The following ZNF461 variants were observed in gnomAD, a reference collection of about 807,000 sequenced individuals.
The protein encoded by ZNF461 is zinc finger protein 461.
A neutral mutation model predicts 18.3 loss-of-function variants in ZNF461; 16 were observed. The ratio of observed to expected loss-of-function variants is 0.88; its 90% CI spans 0.59 to 1.33. ZNF461 has a LOEUF of 1.33. Ranked by LOEUF, ZNF461 falls within the 40% of genes most tolerant of loss-of-function variation. The probability of loss-of-function intolerance (pLI) is 0.00; values close to 1 mark genes in which losing one functional copy is unlikely to be tolerated. For missense variants in ZNF461, 595 were observed against 669.9 expected, an observed-to-expected ratio of 0.89 and a Z score of 1.23; for synonymous variants, 179 against 216.9, an observed-to-expected ratio of 0.83 and a Z score of 1.54.
intron 4 of ZNF461, among the ~76,000 whole-genome samples, chr19:36,647,176 G>A (rs926219529): frequency 2.0e-5 from 3 of 152,164 alleles, no homozygotes; most frequent in African/African-American, 7.2e-5. Flanking sequence ...TGTTAGGTAT[G>A]CACATCAGAG....
chr19:36,644,857 A>G (rs1339589323), intron 4 of ZNF461, among the ~76,000 whole-genome samples: 1 of 151,856 alleles, frequency 6.6e-6, no homozygotes, highest in Non-Finnish European at 1.5e-5. Flanking sequence ...TCGTCCTCCC[A>G]AAGTGCTGGG....
Position 36,640,209 on chromosome 19 carries a change from G to T in ZNF461, c.302-166C>A, listed in dbSNP as rs79376611. Reference sequence around the variant, plus strand: ...CACAGGGAAATGAGAGCACTCAAATGAAGTAGTTAATTAGGGAAATAATTC... The same window carrying T: ...CACAGGGAAATGAGAGCACTCAAATTAAGTAGTTAATTAGGGAAATAATTC... On this transcript the variant is annotated intron_variant, in intron 5 of 5. Transcript: ENST00000588268. The T allele has an allele frequency of 4.3e-3, 2,346 of 546,808 alleles. 57 individuals carry two copies. The Admixed American group carries it at 0.045, about 10-fold the overall frequency. The allele number at this position is 546,808 out of a possible 1,614,324, so 33.9% of individuals were successfully genotyped here.
At position 36,639,178 on chromosome 19, in the gene ZNF461, T is replaced by A. The variant is rs1351092577; in HGVS notation, c.1167A>T (p.Glu389Asp). ...HTGEKPYECRECGKAFSYHSS... is the reference protein window; with the variant it reads ...HTGEKPYECRDCGKAFSYHSS... ...AGTGATAGCTAAAGGCCTTCCCACA[T>A]TCCCGACATTCATAGGGTTTCTCAC... Residue 389 changes from glutamate to aspartate, a missense_variant, in exon 6 of 6, where the codon GAA becomes GAT. Transcript: ENST00000588268. 1.2e-6 allele frequency: 2 copies of A among 1,614,138 alleles called. No individual in the cohort carries two copies. The highest frequency in any genetic ancestry group is 2.2e-5 in the South Asian group (2 of 91,080).
chr19:36,655,996 CT>C (rs781044041), intron 4 of ZNF461, among the ~76,000 whole-genome samples: 182 of 130,490 alleles, frequency 1.4e-3, no homozygotes, highest in Middle Eastern at 4.2e-3. Flanking sequence ...TTTAGAATAT[CT>C]TTTTTTTTTT....
At chr19:36,652,943 G>C (rs933184944) in intron 4 of ZNF461, among the ~76,000 whole-genome samples, 1 of 152,182 alleles carries the variant, frequency 6.6e-6, no homozygotes, top group Non-Finnish European at 1.5e-5. Flanking sequence ...AAGGCATGGA[G>C]AGACATTTCA....
chr19:36,639,729 A>G lies in ZNF461; in HGVS notation c.616T>C (p.Phe206Leu), dbSNP rs371730559. 5.6e-6 allele frequency: 9 copies of G among 1,613,354 alleles called. No individual in the cohort carries two copies. The African/African-American group carries it at 1.1e-4, about 19-fold the overall frequency. The change falls in exon 6 of 6, where the codon TTT becomes CTT. Residue 206 changes from phenylalanine to leucine, a missense_variant. Transcript: ENST00000588268. Reference protein sequence around the residue: ...KCRKIFSYHLFFSHHKRTHSK... With the variant: ...KCRKIFSYHLLFSHHKRTHSK... Reference sequence around the variant, plus strand: ...TGAGTTCTTTTGTGGTGACTAAAAAATAAATGGTAACTGAAGATTTTTCTA... The same window carrying G: ...TGAGTTCTTTTGTGGTGACTAAAAAGTAAATGGTAACTGAAGATTTTTCTA...
rs2037724096 is a variant in ZNF461, at chr19:36,656,550, A to G, written c.137-7T>C. 1 of 1,608,378 alleles carries G rather than the reference A, an allele frequency of 6.2e-7. No individual in the cohort carries two copies. The highest frequency in any genetic ancestry group is 8.5e-7 in the Non-Finnish European group (1 of 1,175,038). Reference sequence around the variant, plus strand: ...GGCTTAGAAACAGAAAGTCCTAGTTATAAGAAAAGAAATTGAGATGAGATG... The same window carrying G: ...GGCTTAGAAACAGAAAGTCCTAGTTGTAAGAAAAGAAATTGAGATGAGATG... On this transcript the variant is annotated splice_region_variant and splice_polypyrimidine_tract_variant and intron_variant, in intron 3 of 5. Transcript: ENST00000588268.
chr19:36,645,097 G>A, intron 4 of ZNF461: 1 of 152,770 alleles, frequency 6.5e-6, no homozygotes, highest in Non-Finnish European at 1.5e-5. Context: ...GTGTAGTGGT[G>A]TGTACCTGTG....
At chr19:36,651,188 G>A (rs570979966) in intron 4 of ZNF461, among the ~76,000 whole-genome samples, 16 of 145,712 alleles carry the variant, frequency 1.1e-4, no homozygotes, top group East Asian at 4.1e-4. Flanking sequence ...CTGAGATTGC[G>A]TCACTGGACT....
Position 36,649,592 on chromosome 19 carries a change from A to G in ZNF461, c.233-5730T>C, listed in dbSNP as rs548002212. Among the ~76,000 whole-genome samples the G allele has an allele frequency of 5.3e-5, 8 of 152,182 alleles. No individual in the cohort carries two copies. The East Asian group carries it at 1.6e-3, about 29-fold the overall frequency. Reference sequence around the variant, plus strand: ...GTAATCCACCCTCCTCAGCCTCCCAAAGTGCTGGGATTACAGGTGTGAGCC... The same window carrying G: ...GTAATCCACCCTCCTCAGCCTCCCAGAGTGCTGGGATTACAGGTGTGAGCC... On this transcript the variant is annotated intron_variant, in intron 4 of 5. Transcript: ENST00000588268.
intron 2 of ZNF461, among the ~76,000 whole-genome samples, chr19:36,662,190 A>G (rs1432844985): frequency 6.6e-6 from 1 of 150,732 alleles, no homozygotes; most frequent in Non-Finnish European, 1.5e-5. Context: ...TTTCTAATTC[A>G]TATATTTTAA....
Position 36,638,252 on chromosome 19 carries a change from C to T in ZNF461, c.*401G>A, listed in dbSNP as rs2037334944. ...AAATGTCTGTATGGGGGTAAAAGCT[C>T]CTCCAAACACATGCAAAAAATGCTT... On this transcript the variant is annotated 3_prime_UTR_variant, in exon 6 of 6. Transcript: ENST00000588268. The T allele has an allele frequency of 5.6e-6, 1 of 177,936 alleles. No homozygotes were observed. The highest frequency in any genetic ancestry group is 2.4e-5 in the African/African-American group (1 of 41,628). The allele number at this position is 177,936 out of a possible 1,614,324, so 11.0% of individuals were successfully genotyped here. A position where few individuals can be genotyped will look rare whatever the true frequency, so the allele number is the denominator to read the frequency against.
Position 36,658,386 on chromosome 19 carries a change from G to T in ZNF461, c.49C>A (p.Gln17Lys). 6.2e-7 allele frequency: 1 copy of T among 1,611,472 alleles called. No homozygotes were observed. The highest frequency in any genetic ancestry group is 1.1e-5 in the South Asian group (1 of 90,614). The change falls in exon 3 of 6, where the codon CAG becomes AAG. Residue 17 changes from glutamine to lysine, a missense_variant. Coordinates refer to ENST00000588268, the MANE Select transcript of ZNF461 (RefSeq NM_153257.5). ...MFRDVAIDVS[Q>K]EEWECLNPAQ... ...GGGTTCAGGCATTCCCATTCCTCCT[G>T]AGAGACATCTATAGCCACATCTCTG...
chr19:36,642,138 C>T (rs547628168), intron 5 of ZNF461, among the ~76,000 whole-genome samples: 1 of 152,232 alleles, frequency 6.6e-6, no homozygotes, highest in East Asian at 1.9e-4. Context: ...CACTTTGTTG[C>T]CCAGGCCGGT....
chr19:36,660,887 T>C (rs2037807208), intron 2 of ZNF461, among the ~76,000 whole-genome samples: 2 of 152,124 alleles, frequency 1.3e-5, no homozygotes, highest in African/African-American at 4.8e-5. Flanking sequence ...ACTCTTTTCA[T>C]TTAATACTTT....
intron 5 of ZNF461, among the ~76,000 whole-genome samples, chr19:36,642,682 C>CTT (rs577387236): frequency 2.4e-4 from 22 of 90,836 alleles, no homozygotes; most frequent in African/African-American, 4.7e-4. Flanking sequence ...AGTTAGACTT[C>CTT]TTTTTTTTTT....
At chr19:36,646,956 G>A (rs2037539228) in intron 4 of ZNF461, among the ~76,000 whole-genome samples, 1 of 152,040 alleles carries the variant, frequency 6.6e-6, no homozygotes, top group Admixed American at 6.6e-5. Context: ...GAGCTCTTGG[G>A]GTTCTCAATA....
chr19:36,642,068 T>C (rs959807268), intron 5 of ZNF461, among the ~76,000 whole-genome samples: 4 of 152,128 alleles, frequency 2.6e-5, no homozygotes, highest in East Asian at 1.9e-4. Flanking sequence ...GCTGAGACTA[T>C]AGGGGTGTGC....
In ZNF461 at chr19:36,664,799, G is replaced by A. The variant is rs1350490538; in HGVS notation, c.-80-13C>T. ...AAAGAAGGTGTTGCTGGGAGAGAGGGGAGTTAAAAAAAAGACAGGAGATTA... is the reference window on the plus strand; with the variant it reads ...AAAGAAGGTGTTGCTGGGAGAGAGGAGAGTTAAAAAAAAGACAGGAGATTA... On this transcript the variant is annotated splice_polypyrimidine_tract_variant and intron_variant, in intron 1 of 5. Coordinates refer to ENST00000588268, the MANE Select transcript of ZNF461 (RefSeq NM_153257.5). The A allele has an allele frequency of 5.9e-6, 6 of 1,012,602 alleles. No homozygotes were observed. The highest frequency in any genetic ancestry group is 2.9e-5 in the East Asian group (1 of 34,848). 62.7% of individuals were successfully genotyped at this position (1,012,602 alleles called of 1,614,324 possible).
Sources: allele counts gnomAD v4.1 joint callset (sites outside exome capture counted in the v4.1 genomes callset), GRCh38; gene constraint gnomAD v4.1.1; transcripts MANE v1.5; gene names NCBI Gene and HGNC (gene_info 2026-07-23, HGNC 2026-07-21).